Variants in DNAH17 observed in about 807,000 individuals in gnomAD.
DNAH17 encodes axonemal beta dynein heavy chain 17.
A neutral mutation model predicts 485.6 loss-of-function variants in DNAH17; 376 were observed. The observed-to-expected ratio is 0.77, with a 90% CI of 0.71 to 0.84. The LOEUF (loss-of-function observed/expected upper bound fraction) is 0.84. Ranked by LOEUF, DNAH17 falls within the 40% of genes least tolerant of loss-of-function variation. The pLI, the probability that DNAH17 is intolerant of heterozygous loss-of-function variation, is 0.00. For missense variants in DNAH17, 6,370 were observed against 5,839.3 expected, an observed-to-expected ratio of 1.09 and a Z score of -2.96; for synonymous variants, 3,031 against 2,405.9, an observed-to-expected ratio of 1.26 and a Z score of -7.60.
intron 30 of DNAH17, 136 bp from the exon 31 acceptor site, chr17:78,505,581 A>G: frequency 8.7e-7 from 1 of 1,152,978 alleles, no homozygotes; most frequent in Non-Finnish European, 1.2e-6. Context: ...CGTTGACTAA[A>G]CATGACTAAG....
chr17:78,428,348 G>T, intron 77 of DNAH17, 177 bp downstream of exon 77: 1 of 733,542 alleles, frequency 1.4e-6, no homozygotes, highest in Non-Finnish European at 2.3e-6. Context: ...CACGTCTGAG[G>T]ACCTGCTGAC....
rs1030400623 is a variant in DNAH17, at chr17:78,453,409, T to C, written c.10463A>G (p.Asn3488Ser). The change falls in exon 65 of 81, where the codon AAC becomes AGC. Residue 3488 changes from asparagine (N) to serine (S), a missense_variant. Physicochemically the swap from Asn to Ser is conservative, Grantham distance 46. Coordinates refer to ENST00000389840, the MANE Select transcript of DNAH17 (RefSeq NM_173628.4). ...ISEGDTLLIENIGETVDPVLD... is the reference protein window; with the variant it reads ...ISEGDTLLIESIGETVDPVLD... ...CACGGGGTCCACGGTTTCGCCGATG[T>C]TCTCAATGAGCAAGGTGTCCCCTTC... 3 of 1,613,846 alleles carry C rather than the reference T, an allele frequency of 1.9e-6. No homozygotes were observed. Among genetic ancestry groups the C allele is most frequent in the African/African-American group, 1.3e-5 (1 of 74,956 alleles).
intron 11 of DNAH17, among the ~76,000 whole-genome samples, chr17:78,564,488 T>C (rs1391954382): frequency 1.3e-5 from 2 of 150,716 alleles, no homozygotes; most frequent in East Asian, 2.0e-4. Context: ...CATAAGCCTG[T>C]GCCCCATCTT....
rs907602672 is a variant in DNAH17, at chr17:78,475,815, A to G, written c.8173T>C (p.Leu2725=). ...CAGAAGATATTTGGCTTGGCAAATA[A>G]GAGTTCATCACCAAGATCCTAGAAA... ...KFFDDLGDEL[L]FAKPNIFCHF... Residue 2725 remains leucine (L), a synonymous_variant, in exon 53 of 81, where the codon TTA becomes CTA. Transcript: ENST00000389840. 8.7e-6 allele frequency: 14 copies of G among 1,613,440 alleles called. No individual in the cohort carries two copies. In the African/African-American group the frequency reaches 1.5e-4, roughly 17 times the overall value.
intron 54 of DNAH17, 39 bp downstream of exon 54, chr17:78,475,239 C>G: frequency 6.2e-7 from 1 of 1,605,952 alleles, no homozygotes; most frequent in Non-Finnish European, 8.5e-7. Flanking sequence ...CTCCCTGACC[C>G]TACCCTGAAA....
intron 62 of DNAH17, among the ~76,000 whole-genome samples, chr17:78,458,226 G>A (rs188621262): frequency 7.2e-5 from 11 of 152,216 alleles, no homozygotes; most frequent in Non-Finnish European, 1.6e-4. Context: ...GATGTAATCC[G>A]TGAAATGACT....
In DNAH17 at chr17:78,514,733, C is replaced by A. The variant is rs529154931; in HGVS notation, c.4113+41G>T. 222 of 1,598,422 alleles carry A rather than the reference C, an allele frequency of 1.4e-4. 2 individuals carry two copies. The East Asian group carries it at 4.9e-3, about 35-fold the overall frequency. On this transcript the variant is annotated intron_variant, in intron 26 of 80. Transcript: ENST00000389840. ...CAGCCCATCCTGCAGCAGAGCTGGC[C>A]GCCAGGGGCGGTCCCCTCCGCCCAC...
At chr17:78,480,936 T>A in intron 48 of DNAH17, 150 bp from the exon 49 acceptor site, 1 of 628,606 alleles carries the variant, frequency 1.6e-6, no homozygotes, top group Non-Finnish European at 2.8e-6. Flanking sequence ...AGTGGCACAA[T>A]CTCGGCTCAC....
chr17:78,452,063 G>A (rs2087577455), intron 65 of DNAH17, among the ~76,000 whole-genome samples: 1 of 149,762 alleles, frequency 6.7e-6, no homozygotes, highest in Non-Finnish European at 1.5e-5. Flanking sequence ...CACTGTGGGG[G>A]GCGCTTCTCT....
rs202202365 is a variant in DNAH17 at position 78,510,407 on chromosome 17, C to T, written c.4213G>A (p.Val1405Met). ...ACCTTTTCCATGCCCGACTCCTTCA[C>T]GGCCTTGTCCACGATGTTGCGGACC... Reference protein sequence around the residue: ...DEVRNIVDKAVKESGMEKVLK... With the variant: ...DEVRNIVDKAMKESGMEKVLK... The change falls in exon 27 of 81, where the codon GTG (valine) becomes ATG (methionine). Residue 1405 changes from valine (V) to methionine (M), a missense_variant. Transcript: ENST00000389840. 5.3e-5 allele frequency: 85 copies of T among 1,613,150 alleles called. 1 individual carries two copies. Among genetic ancestry groups the T allele is most frequent in the East Asian group, 3.1e-4 (14 of 44,878 alleles).
In DNAH17 at chr17:78,428,549, G is replaced by A. The variant is rs2086561843; in HGVS notation, c.12564C>T (p.Gly4188=). 1 of 1,611,088 alleles carries A rather than the reference G, an allele frequency of 6.2e-7. No individual in the cohort carries two copies. Among genetic ancestry groups the A allele is most frequent in the Admixed American group, 1.7e-5 (1 of 59,432 alleles). ...CCTTCTCCTCGCGGGACACTCCCGTGCCTGCCCCCGAGTCCGTCTCTTTTG... is the reference window on the plus strand; with the variant it reads ...CCTTCTCCTCGCGGGACACTCCCGTACCTGCCCCCGAGTCCGTCTCTTTTG... ...MQPKETDSGA[G]TGVSREEKVK... Residue 4188 remains glycine (G), a synonymous_variant, in exon 77 of 81, where the codon GGC becomes GGT. Coordinates refer to ENST00000389840, the MANE Select transcript of DNAH17 (RefSeq NM_173628.4).
At chr17:78,508,443 C>T (rs905522342) in intron 27 of DNAH17, among the ~76,000 whole-genome samples, 2 of 152,236 alleles carry the variant, frequency 1.3e-5, no homozygotes, top group Admixed American at 1.3e-4. Flanking sequence ...CTTAAGTGTT[C>T]AACTCTAACT....
At chr17:78,558,618 A>G (rs1184839033) in intron 13 of DNAH17, among the ~76,000 whole-genome samples, 6 of 152,178 alleles carry the variant, frequency 3.9e-5, no homozygotes, top group Non-Finnish European at 5.9e-5. Flanking sequence ...TGATGTCATC[A>G]TTGTAGGTGG....
chr17:78,494,966 G>A lies in DNAH17; in HGVS notation c.6035C>T (p.Ser2012Leu), dbSNP rs752254470. 12 of 1,612,368 alleles carry A rather than the reference G, an allele frequency of 7.4e-6. No individual in the cohort carries two copies. The highest frequency in any genetic ancestry group is 5.0e-5 in the Admixed American group (3 of 59,908). Residue 2012 changes from serine (S) to leucine (L), a missense_variant, in exon 39 of 81, where the codon TCG (serine) becomes TTG (leucine). Coordinates refer to ENST00000389840, the MANE Select transcript of DNAH17 (RefSeq NM_173628.4). ...GCTCCAGGACACACACACCTGCTTC[G>A]AGAGCAGCTCCTTGCACAAGGTGTA... is the stretch of plus-strand genomic sequence containing the variant. Reference protein sequence around the residue: ...TLYTLCKELLSKQDHYDWGLR... With the variant: ...TLYTLCKELLLKQDHYDWGLR...
intron 54 of DNAH17, chr17:78,472,724 G>A (rs781403202): frequency 6.4e-5 from 29 of 454,806 alleles, no homozygotes; most frequent in African/African-American, 5.4e-4. Context: ...GTCTCGGCAG[G>A]CACAGCCCTC....
chr17:78,485,525 C>A (rs545867466), intron 47 of DNAH17, 25 bp downstream of exon 47: 2 of 1,546,648 alleles, frequency 1.3e-6, no homozygotes, highest in Non-Finnish European at 1.7e-6. Context: ...GCCGGGTAGG[C>A]AGGGCGTGGC....
intron 26 of DNAH17, among the ~76,000 whole-genome samples, chr17:78,512,330 C>A (rs1000349872): frequency 6.6e-6 from 1 of 152,148 alleles, no homozygotes; most frequent in Non-Finnish European, 1.5e-5. Flanking sequence ...TCACAGTTCT[C>A]ACTCCCAAGG....
At chr17:78,529,783 C>T (rs545160047) in intron 21 of DNAH17, 89 bp from the exon 22 acceptor site, 23 of 1,319,342 alleles carry the variant, frequency 1.7e-5, no homozygotes, top group South Asian at 8.2e-5. Flanking sequence ...GGGACGACCG[C>T]GGTGAGGTCA....
rs750165583 is a variant in DNAH17, at chr17:78,492,642, A to T, written c.6532T>A (p.Trp2178Arg). 1 of 1,613,582 alleles carries T rather than the reference A, an allele frequency of 6.2e-7. No individual in the cohort carries two copies. The highest frequency in any genetic ancestry group is 8.5e-7 in the Non-Finnish European group (1 of 1,179,766). The part of the protein sequence containing the change: ...FGIINPVTRE[W>R]KDGLFSTIMR... ...GGACCACCCTCGTTACCATCTTTCC[A>T]TTCCCTGGTCACTGGGTTGATGATG... is the stretch of plus-strand genomic sequence containing the variant. Residue 2178 changes from tryptophan to arginine, a missense_variant, in exon 42 of 81, where the codon TGG becomes AGG. Coordinates refer to ENST00000389840, the MANE Select transcript of DNAH17 (RefSeq NM_173628.4).
Sources: allele counts gnomAD v4.1 joint callset (sites outside exome capture counted in the v4.1 genomes callset), GRCh38; gene constraint gnomAD v4.1.1; transcripts MANE v1.5; gene names NCBI Gene and HGNC (gene_info 2026-07-23, HGNC 2026-07-21).